UBE2K: variants seen among roughly 807,000 people sequenced by gnomAD.
UBE2K encodes the protein ubiquitin-conjugating enzyme E2 K.
UBE2K carries 6 observed loss-of-function variants against 30.0 expected under a neutral mutation model. The ratio of observed to expected loss-of-function variants is 0.20; its 90% CI spans 0.11 to 0.39. The LOEUF is 0.39. UBE2K is among the 10% of genes least tolerant of loss of function. UBE2K has a pLI of 1.00. For synonymous variants in UBE2K, 86 were observed against 83.7 expected, an observed-to-expected ratio of 1.03 and a Z score of -0.15; for missense variants, 61 against 241.6, an observed-to-expected ratio of 0.25 and a Z score of 4.96.
intron 4 of UBE2K, among the ~76,000 whole-genome samples, chr4:39,761,452 A>G (rs1351549106): frequency 6.6e-6 from 1 of 152,262 alleles, no homozygotes; most frequent in Non-Finnish European, 1.5e-5. Flanking sequence ...ATTATTCTAC[A>G]TAGTAAGGCC....
chr4:39,766,456 C>T (rs1712345514), intron 4 of UBE2K, among the ~76,000 whole-genome samples: 1 of 150,772 alleles, frequency 6.6e-6, no homozygotes, highest in African/African-American at 2.4e-5. Flanking sequence ...GTTCACATCC[C>T]TTGTCGATTT....
chr4:39,717,342 T>G lies in UBE2K; in HGVS notation c.63+18952T>G, dbSNP rs554380411. On this transcript the variant is annotated intron_variant, in intron 1 of 6. Coordinates refer to ENST00000261427, the MANE Select transcript of UBE2K (RefSeq NM_005339.5). ...TCCATCTCCCGTGTTCAAGCAATTC[T>G]GCCTCAGCCTCCTGAGTAGCTGGGA... Among the ~76,000 whole-genome samples, 82 of 152,152 alleles carry G rather than the reference T, an allele frequency of 5.4e-4. No homozygotes were observed. In the Middle Eastern group the frequency reaches 0.014, roughly 25 times the overall value.
intron 1 of UBE2K, among the ~76,000 whole-genome samples, chr4:39,702,231 CTTTTTT>C (rs564712672): frequency 1.0e-4 from 7 of 67,392 alleles, no homozygotes; most frequent in South Asian, 4.7e-4. Flanking sequence ...CTTTTCTTTT[CTTTTTT>C]TTTTTTTTTT....
At chr4:39,749,058 T>C (rs1721125497) in intron 3 of UBE2K, among the ~76,000 whole-genome samples, 2 of 152,196 alleles carry the variant, frequency 1.3e-5, no homozygotes, top group Non-Finnish European at 2.9e-5. Context: ...TGAGGTAAAA[T>C]TATCAAGGTA....
chr4:39,768,124 A>T (rs966705105), intron 4 of UBE2K, among the ~76,000 whole-genome samples: 2 of 152,076 alleles, frequency 1.3e-5, no homozygotes, highest in African/African-American at 4.8e-5. Flanking sequence ...TTAGAGAAAG[A>T]ATTTCCCCTT....
At position 39,707,067 on chromosome 4, in the gene UBE2K, C is replaced by T. The variant is rs529900989; in HGVS notation, c.63+8677C>T. On this transcript the variant is annotated intron_variant, in intron 1 of 6. Coordinates refer to ENST00000261427, the MANE Select transcript of UBE2K (RefSeq NM_005339.5). ...AATTACAGGCATGCGCCACCACACC[C>T]GGCTAATTTTTTTTGTATTTTTAGT... Among the ~76,000 whole-genome samples the T allele has an allele frequency of 5.9e-5, 9 of 151,988 alleles. 1 individual carries two copies. Among genetic ancestry groups the T allele is most frequent in the Admixed American group, 2.0e-4 (3 of 15,254 alleles).
intron 1 of UBE2K, among the ~76,000 whole-genome samples, chr4:39,727,108 G>C (rs1368233930): frequency 1.3e-5 from 2 of 152,132 alleles, no homozygotes; most frequent in Non-Finnish European, 2.9e-5. Context: ...CTTGACTTCT[G>C]ACTTACCTTT....
chr4:39,707,019 G>T (rs1481642586), intron 1 of UBE2K, among the ~76,000 whole-genome samples: 1 of 151,894 alleles, frequency 6.6e-6, no homozygotes, highest in Admixed American at 6.6e-5. Flanking sequence ...TGATTCTCAG[G>T]CCTCAGCCTC....
rs1292753763 is a variant in UBE2K, at chr4:39,722,800, T to TC, written c.64-14620_64-14619insC. ...ACCTGCTGTATTCTCTTTTTCTCTC[T>TC]TTTTTTTTTTTTTGAGATGGAGTCT... On this transcript the variant is annotated intron_variant, in intron 1 of 6. Transcript: ENST00000261427. Among the ~76,000 whole-genome samples, 4 of 69,030 alleles carry TC rather than the reference T, an allele frequency of 5.8e-5. No homozygotes were observed. The East Asian group carries it at 2.3e-3, about 39-fold the overall frequency. 45.3% of individuals were successfully genotyped at this position (69,030 alleles called of 152,430 possible). A position where few individuals can be genotyped will look rare whatever the true frequency, so the allele number is the denominator to read the frequency against.
In UBE2K at chr4:39,777,674, C is replaced by T. The variant is rs1713356171; in HGVS notation, c.400-8C>T. On this transcript the variant is annotated splice_region_variant and splice_polypyrimidine_tract_variant and intron_variant, in intron 5 of 6. Coordinates refer to ENST00000261427, the MANE Select transcript of UBE2K (RefSeq NM_005339.5). ...ATGTCATGTCAATCAATTTTTCCCC[C>T]CATATAGTACAAACAAAATCCCGAA... 7.1e-6 allele frequency: 11 copies of T among 1,543,956 alleles called. No homozygotes were observed. The highest frequency in any genetic ancestry group is 4.9e-5 in the East Asian group (2 of 41,100).
At position 39,778,759 on chromosome 4, in the gene UBE2K, A is replaced by C. The variant is rs556460087; in HGVS notation, c.*325A>C. 1.2e-4 allele frequency: 23 copies of C among 190,534 alleles called. No homozygotes were observed. The highest frequency in any genetic ancestry group is 2.3e-4 in the Non-Finnish European group (21 of 91,464). The allele number at this position is 190,534 out of a possible 1,614,324, so 11.8% of individuals were successfully genotyped here. ...AAGACTAGCAAGAGTTTGCTTCAGG[A>C]TTTTGTTGAATAATTAAGATAATAT... On this transcript the variant is annotated 3_prime_UTR_variant, in exon 7 of 7. Transcript: ENST00000261427.
chr4:39,719,130 C>T (rs1033142389), intron 1 of UBE2K, among the ~76,000 whole-genome samples: 11 of 152,266 alleles, frequency 7.2e-5, no homozygotes, highest in Non-Finnish European at 1.2e-4. Flanking sequence ...CATTCCTACA[C>T]ATACCTCAGA....
At chr4:39,722,882 G>A (rs962385612) in intron 1 of UBE2K, among the ~76,000 whole-genome samples, 10 of 147,266 alleles carry the variant, frequency 6.8e-5, no homozygotes, top group South Asian at 4.3e-4. Flanking sequence ...TGCAACCTTC[G>A]CCTCCCAGGT....
intron 1 of UBE2K, among the ~76,000 whole-genome samples, chr4:39,717,553 T>A (rs758737201): frequency 9.2e-5 from 14 of 152,214 alleles, no homozygotes; most frequent in Non-Finnish European, 1.8e-4. Context: ...TAGTCAACCC[T>A]AATGGTGCCA....
At chr4:39,705,929 A>G (rs1006413164) in intron 1 of UBE2K, among the ~76,000 whole-genome samples, 1 of 147,244 alleles carries the variant, frequency 6.8e-6, no homozygotes. Flanking sequence ...AGCTCACTGC[A>G]ACCTCCGCCT....
At position 39,739,128 on chromosome 4, in the gene UBE2K, C is replaced by T. The variant is rs375877406; in HGVS notation, c.157+1615C>T. Among the ~76,000 whole-genome samples, 6 of 151,680 alleles carry T rather than the reference C, an allele frequency of 4.0e-5. No homozygotes were observed. The East Asian group carries it at 5.9e-4, about 15-fold the overall frequency. ...CTGCAAGCTTCGCCTCCTGGATTCA[C>T]GCCATTCTCCTGCCTCAGCCTTCCG... is the stretch of plus-strand genomic sequence containing the variant. On this transcript the variant is annotated intron_variant, in intron 2 of 6. Transcript: ENST00000261427.
At chr4:39,759,345 C>G (rs562766647) in intron 4 of UBE2K, among the ~76,000 whole-genome samples, 301 of 152,226 alleles carry the variant, frequency 2.0e-3, no homozygotes, top group African/African-American at 6.7e-3. Context: ...GGTGCCATCT[C>G]TGCTCACTGC....
chr4:39,733,946 A>G (rs904237952), intron 1 of UBE2K, among the ~76,000 whole-genome samples: 3 of 152,068 alleles, frequency 2.0e-5, no homozygotes, highest in Admixed American at 2.0e-4. Flanking sequence ...TTGGAGTTTT[A>G]GATTGTGAAA....
At chr4:39,766,655 C>G (rs560140741) in intron 4 of UBE2K, among the ~76,000 whole-genome samples, 38 of 152,284 alleles carry the variant, frequency 2.5e-4, no homozygotes, top group African/African-American at 8.9e-4. Context: ...AGGTGATCCT[C>G]CCACCTCAGC....
Sources: allele counts gnomAD v4.1 joint callset (sites outside exome capture counted in the v4.1 genomes callset), GRCh38; gene constraint gnomAD v4.1.1; transcripts MANE v1.5; gene names NCBI Gene and HGNC (gene_info 2026-07-23, HGNC 2026-07-21).